SMG1: variants seen among roughly 807,000 people sequenced by gnomAD.
SMG1 encodes the protein SMG1 nonsense mediated mRNA decay associated PI3K related kinase.
In SMG1, 22 loss-of-function variants were observed where a neutral mutation model predicts 419.9. The observed-to-expected ratio is 0.05, with a 90% confidence interval of 0.04 to 0.07. The LOEUF is 0.07. SMG1 is among the 10% of genes least tolerant of loss of function. SMG1 has a pLI of 1.00. For missense variants in SMG1, 3,185 were observed against 4,342.0 expected, an observed-to-expected ratio of 0.73 and a Z score of 7.49; for synonymous variants, 1,538 against 1,553.5, an observed-to-expected ratio of 0.99 and a Z score of 0.23.
At chr16:18,832,862 C>G (rs541159289) in intron 51 of SMG1, 78 bp downstream of exon 51, 58 of 1,265,066 alleles carry the variant, frequency 4.6e-5, no homozygotes, top group Non-Finnish European at 5.6e-5. Context: ...AGTAAACTTA[C>G]GTTAAAGAGC....
chr16:18,860,934 A>C, intron 25 of SMG1, 158 bp from the exon 26 acceptor site: 2 of 514,968 alleles, frequency 3.9e-6, no homozygotes, highest in East Asian at 6.5e-5. Flanking sequence ...TTTGGTTTTT[A>C]TGTTGAAGAT....
chr16:18,883,290 G>A (rs1317330041), intron 9 of SMG1, among the ~76,000 whole-genome samples: 1 of 152,220 alleles, frequency 6.6e-6, no homozygotes, highest in Non-Finnish European at 1.5e-5. Flanking sequence ...GGCTTCAGCA[G>A]CGCTCTTAAA....
Position 18,844,570 on chromosome 16 carries a change from T to TCACACACACACACACACACA in SMG1, c.6219+858_6219+859insTGTGTGTGTGTGTGTGTGTG, listed in dbSNP as rs56381713. Among the ~76,000 whole-genome samples the TCACACACACACACACACACA allele has an allele frequency of 6.9e-4, 61 of 88,540 alleles. 12 individuals are homozygous for TCACACACACACACACACACA. The highest frequency in any genetic ancestry group is 2.8e-3 in the South Asian group (8 of 2,900). 58.1% of individuals were successfully genotyped at this position (88,540 alleles called of 152,430 possible). On this transcript the variant is annotated intron_variant, in intron 39 of 62. Transcript: ENST00000446231. ...ACACATAATAAACTTCATCCTTCTC[T>TCACACACACACACACACACA]CACACACACACACGGAAACTCGAGT... is the stretch of plus-strand genomic sequence containing the variant.
At chr16:18,899,721 C>T (rs2037273813) in intron 1 of SMG1, among the ~76,000 whole-genome samples, 1 of 152,004 alleles carries the variant, frequency 6.6e-6, no homozygotes, top group African/African-American at 2.4e-5. Context: ...AAGAAGCAGG[C>T]ATGAATGTTA....
intron 1 of SMG1, among the ~76,000 whole-genome samples, chr16:18,903,054 G>A (rs909137553): frequency 6.6e-6 from 1 of 151,980 alleles, no homozygotes; most frequent in Non-Finnish European, 1.5e-5. Flanking sequence ...CGCACTCCTG[G>A]GCTCAAGTGA....
chr16:18,898,698 G>A (rs1286658633), intron 1 of SMG1, among the ~76,000 whole-genome samples: 9 of 152,108 alleles, frequency 5.9e-5, no homozygotes, highest in African/African-American at 9.7e-5. Flanking sequence ...TGACTAATTC[G>A]GAAACACAAA....
At position 18,850,479 on chromosome 16, in the gene SMG1, T is replaced by G; in HGVS notation, c.5053-12A>C. 6.4e-7 allele frequency: 1 copy of G among 1,571,184 alleles called. No individual in the cohort carries two copies. The highest frequency in any genetic ancestry group is 8.7e-7 in the Non-Finnish European group (1 of 1,145,878). On this transcript the variant is annotated splice_polypyrimidine_tract_variant and intron_variant, in intron 33 of 62. Transcript: ENST00000446231. ...GTTATATCTTCATCCTGAAGAAAAA[T>G]TGTGCACAAAATGCTATTTTAAATA... is the stretch of plus-strand genomic sequence containing the variant.
At position 18,839,825 on chromosome 16, in the gene SMG1, C is replaced by T. The variant is rs1312385956; in HGVS notation, c.6818G>A (p.Arg2273Gln). 1.9e-6 allele frequency: 3 copies of T among 1,613,958 alleles called. No homozygotes were observed. Among genetic ancestry groups the T allele is most frequent in the African/African-American group, 1.3e-5 (1 of 75,044 alleles). Residue 2273 changes from arginine (R) to glutamine (Q), a missense_variant, in exon 42 of 63, where the codon CGG (arginine) becomes CAG (glutamine). By Grantham distance (43) the Arg-to-Gln change is conservative (BLOSUM62 1). This residue lies in a region of SMG1 where 132 missense variants were observed against 151.0 expected (regional missense o/e 0.87). Coordinates refer to ENST00000446231, the MANE Select transcript of SMG1 (RefSeq NM_015092.5). ...CTTCATTACATGAAGAGGCCAATCC[C>T]GACGGGACACATCCAGGCTAAGCCC... Reference protein sequence around the residue: ...TVGLSLDVSRRDWPLHVMKAV... With the variant: ...TVGLSLDVSRQDWPLHVMKAV...
At chr16:18,892,940 G>C (rs1333766714) in intron 3 of SMG1, among the ~76,000 whole-genome samples, 2 of 152,158 alleles carry the variant, frequency 1.3e-5, no homozygotes, top group East Asian at 3.9e-4. Context: ...GGACTGGCTG[G>C]GAGAGAAAAA....
rs528487216 is a variant in SMG1, at chr16:18,833,147, C to T, written c.8585G>A (p.Arg2862Gln). 8.7e-6 allele frequency: 14 copies of T among 1,613,414 alleles called. No homozygotes were observed. In the East Asian group the frequency reaches 8.9e-5, roughly 10 times the overall value. Reference protein sequence around the residue: ...TSLQELNSNFRQIIFPEALRC... With the variant: ...TSLQELNSNFQQIIFPEALRC... ...AAGTGCTTCTGGAAATATGATTTGC[C>T]GGAAATTCGAATTCAATTCCTATAA... The change falls in exon 51 of 63, where the codon CGG becomes CAG. Residue 2862 changes from arginine (R) to glutamine (Q), a missense_variant. Around this residue, in one of 27 missense-constraint regions of SMG1, gnomAD observed 412 missense variants for 546.6 expected, o/e 0.75. Transcript: ENST00000446231.
At chr16:18,895,542 G>A (rs956670063) in intron 3 of SMG1, among the ~76,000 whole-genome samples, 2 of 151,682 alleles carry the variant, frequency 1.3e-5, no homozygotes, top group African/African-American at 2.4e-5. Flanking sequence ...AGGGGGCAGG[G>A]GGAAGGAGAG....
In SMG1 at chr16:18,876,393, C is replaced by A; in HGVS notation, c.1621G>T (p.Val541Phe). ...LFLRYHKEKEVVAVAHAVYQA... is the reference protein window; with the variant it reads ...LFLRYHKEKEFVAVAHAVYQA... ...TAAACAGCATGGGCTACAGCAACAA[C>A]CTGAAAAACAAAAAATTCAAGGAAG... The change falls in exon 13 of 63, where the codon GTT becomes TTT. Residue 541 changes from valine (V) to phenylalanine (F), a missense_variant and splice_region_variant. This residue lies in a region of SMG1 where 297 missense variants were observed against 491.0 expected (regional missense o/e 0.60). Transcript: ENST00000446231. The A allele has an allele frequency of 1.9e-6, 3 of 1,598,788 alleles. No homozygotes were observed. Among genetic ancestry groups the A allele is most frequent in the Non-Finnish European group, 2.6e-6 (3 of 1,173,016 alleles).
At chr16:18,905,696 T>C (rs1166882756) in intron 1 of SMG1, among the ~76,000 whole-genome samples, 5 of 149,718 alleles carry the variant, frequency 3.3e-5, no homozygotes, top group Non-Finnish European at 7.4e-5. Flanking sequence ...CACTGCAACC[T>C]CCACCTCCAG....
Position 18,925,997 on chromosome 16 carries a change from G to A in SMG1, c.45C>T (p.Gly15=), listed in dbSNP as rs777870806. 46 of 1,578,796 alleles carry A rather than the reference G, an allele frequency of 2.9e-5. 2 individuals carry two copies. In the South Asian group the frequency reaches 4.9e-4, roughly 17 times the overall value. ...TCCGCGGATACTTGGTGCCGCCGCC[G>A]CCGCCGCCGCTGCTCAGCCGAGACC... ...APGSRLSSGG[G]GGGTKYPRSW... The change falls in exon 1 of 63, where the codon GGC becomes GGT. Residue 15 remains glycine, a synonymous_variant. Transcript: ENST00000446231.
rs1209080342 is a variant in SMG1 at position 18,806,852 on chromosome 16, C to G, written c.*2717G>C. 1 of 152,202 alleles carries G rather than the reference C, an allele frequency of 6.6e-6. No individual in the cohort carries two copies. Among genetic ancestry groups the G allele is most frequent in the Non-Finnish European group, 1.5e-5 (1 of 68,038 alleles). The allele number at this position is 152,202 out of a possible 1,614,324, so 9.4% of individuals were successfully genotyped here. A position where few individuals can be genotyped will look rare whatever the true frequency, so the allele number is the denominator to read the frequency against. On this transcript the variant is annotated 3_prime_UTR_variant, in exon 63 of 63. Coordinates refer to ENST00000446231, the MANE Select transcript of SMG1 (RefSeq NM_015092.5). Reference sequence around the variant, plus strand: ...TGACTTCATAACTACAGCACTCTAACTTTTCTCAGTCTAACTGCTGAGGTC... The same window carrying G: ...TGACTTCATAACTACAGCACTCTAAGTTTTCTCAGTCTAACTGCTGAGGTC...
chr16:18,849,884 T>A, intron 35 of SMG1, 65 bp downstream of exon 35: 1 of 1,488,804 alleles, frequency 6.7e-7, no homozygotes, highest in Non-Finnish European at 9.1e-7. Flanking sequence ...AGGAAACCAC[T>A]TTTTGAAATC....
Position 18,879,235 on chromosome 16 carries a change from C to G in SMG1, c.1518+260G>C, listed in dbSNP as rs1488867309. ...GGCTTAATCGATCCTCCTCCCTCAG[C>G]CTCCCGAGTAGCTAGGACTACAGGT... is the stretch of plus-strand genomic sequence containing the variant. On this transcript the variant is annotated intron_variant, in intron 11 of 62. Coordinates refer to ENST00000446231, the MANE Select transcript of SMG1 (RefSeq NM_015092.5). The G allele has an allele frequency of 3.1e-5, 14 of 455,844 alleles. No homozygotes were observed. In the East Asian group the frequency reaches 6.1e-4, roughly 20 times the overall value. 28.2% of individuals were successfully genotyped at this position (455,844 alleles called of 1,614,324 possible). A position where few individuals can be genotyped will look rare whatever the true frequency, so the allele number is the denominator to read the frequency against.
In SMG1 at chr16:18,812,101, T is replaced by A; in HGVS notation, c.10648A>T (p.Thr3550Ser). Residue 3550 changes from threonine (T) to serine (S), a missense_variant, in exon 61 of 63, where the codon ACT becomes TCT. Coordinates refer to ENST00000446231, the MANE Select transcript of SMG1 (RefSeq NM_015092.5). ...AAVRSNTGQK[T>S]QPDVMSQNAR... ...TTCTGTGACATGACATCAGGCTGAG[T>A]CTTCTGGCCAGTGTTACTCCGGACT... The A allele has an allele frequency of 6.2e-7, 1 of 1,613,506 alleles. No homozygotes were observed. Among genetic ancestry groups the A allele is most frequent in the Middle Eastern group, 1.7e-4 (1 of 6,038 alleles).
Position 18,850,072 on chromosome 16 carries a change from T to C in SMG1, c.5338A>G (p.Ser1780Gly). The C allele has an allele frequency of 6.2e-7, 1 of 1,614,024 alleles. No homozygotes were observed. Among genetic ancestry groups the C allele is most frequent in the East Asian group, 2.2e-5 (1 of 44,876 alleles). Residue 1780 changes from serine to glycine, a missense_variant, in exon 35 of 63, where the codon AGC (serine) becomes GGC (glycine). This residue lies in a region of SMG1 where 493 missense variants were observed against 552.9 expected (regional missense o/e 0.89). Coordinates refer to ENST00000446231, the MANE Select transcript of SMG1 (RefSeq NM_015092.5). ...RLHLSHRVEQ[S>G]TDDMIVMATL... ...GCCATCACAATCATGTCATCAGTGC[T>C]CTGTTCCACTCTGTGACTTAAATGC...
Sources: allele counts gnomAD v4.1 joint callset (sites outside exome capture counted in the v4.1 genomes callset), GRCh38; gene constraint gnomAD v4.1.1; regional missense constraint gnomAD v4.1.1; transcripts MANE v1.5; gene names NCBI Gene and HGNC (gene_info 2026-07-23, HGNC 2026-07-21).